The following PHF3 variants were observed in gnomAD, a reference collection of about 807,000 sequenced individuals.
The protein encoded by PHF3 is PHD finger protein 3.
A neutral mutation model predicts 178.4 loss-of-function variants in PHF3; 41 were observed. The observed-to-expected ratio is 0.23, with a 90% CI of 0.18 to 0.30. PHF3 has a LOEUF of 0.30. Among genes scored for constraint, PHF3 ranks in the 10% least tolerant of loss-of-function variants. The pLI, the probability that PHF3 is intolerant of heterozygous loss-of-function variation, is 1.00. For missense variants in PHF3, 2,346 were observed against 2,398.1 expected, an observed-to-expected ratio of 0.98 and a Z score of 0.45; for synonymous variants, 842 against 800.5, an observed-to-expected ratio of 1.05 and a Z score of -0.88.
rs573539701 is a variant in PHF3, at chr6:63,709,340, A to G, written c.3801+100A>G. ...GGGTGCAAAGTCTCCTGGGGAAAGGAGGCAATACACATTTTAAGTCTATGT... is the reference window on the plus strand; with the variant it reads ...GGGTGCAAAGTCTCCTGGGGAAAGGGGGCAATACACATTTTAAGTCTATGT... On this transcript the variant is annotated intron_variant, in intron 14 of 15. Coordinates refer to ENST00000262043, the MANE Select transcript of PHF3 (RefSeq NM_001370348.2). The G allele has an allele frequency of 1.1e-4, 88 of 789,106 alleles. 1 individual carries two copies. The South Asian group carries it at 1.3e-3, about 12-fold the overall frequency. The allele number at this position is 789,106 out of a possible 1,614,324, so 48.9% of individuals were successfully genotyped here. A position where few individuals can be genotyped will look rare whatever the true frequency, so the allele number is the denominator to read the frequency against.
chr6:63,666,951 C>T lies in PHF3; in HGVS notation c.245-13049C>T, dbSNP rs538211271. On this transcript the variant is annotated intron_variant, in intron 2 of 15. Transcript: ENST00000262043. The stretch of plus-strand genomic sequence containing the variant: ...ATTTTTAGTAGAGACAGCATTTCAC[C>T]GTGTTTGCCAGGCTGGTCTTGAACT... Among the ~76,000 whole-genome samples the T allele has an allele frequency of 9.2e-5, 14 of 152,154 alleles. No individual in the cohort carries two copies. In the South Asian group the frequency reaches 2.1e-3, roughly 23 times the overall value.
In PHF3 at chr6:63,725,261, A is replaced by G. The variant is rs1045285197; in HGVS notation, c.*11553A>G. On this transcript the variant is annotated 3_prime_UTR_variant, in exon 16 of 16. Transcript: ENST00000262043. ...ACTACATGCATTGAATAACAGATGT[A>G]AGAAGATGTGCTCTTGCCCTCCTAT... Among the ~76,000 whole-genome samples, 16 of 150,986 alleles carry G rather than the reference A, an allele frequency of 1.1e-4. 1 individual carries two copies. The highest frequency in any genetic ancestry group is 2.9e-4 in the African/African-American group (12 of 41,390).
chr6:63,660,560 T>C (rs1051095876), intron 2 of PHF3, among the ~76,000 whole-genome samples: 1 of 152,156 alleles, frequency 6.6e-6, no homozygotes, highest in Non-Finnish European at 1.5e-5. Context: ...TTAATGGAGC[T>C]TAAAGTTTAG....
rs1295880392 is a variant in PHF3, at chr6:63,715,365, C to CA, written c.*1661dup. ...AAACAAAGTTAGTTCCCAAACAAAA[C>CA]AAAATCTAAGTTATAATTTGCACCA... On this transcript the variant is annotated 3_prime_UTR_variant, in exon 16 of 16. Coordinates refer to ENST00000262043, the MANE Select transcript of PHF3 (RefSeq NM_001370348.2). 1 of 152,066 alleles carries CA rather than the reference C, an allele frequency of 6.6e-6. No homozygotes were observed. The highest frequency in any genetic ancestry group is 2.4e-5 in the African/African-American group (1 of 41,428). 9.4% of individuals were successfully genotyped at this position (152,066 alleles called of 1,614,324 possible). A position where few individuals can be genotyped will look rare whatever the true frequency, so the allele number is the denominator to read the frequency against.
chr6:63,685,500 C>T lies in PHF3; in HGVS notation c.1778C>T (p.Thr593Ile). The T allele has an allele frequency of 6.2e-7, 1 of 1,614,090 alleles. No individual in the cohort carries two copies. ...TTAGTACAAATTTTCAAGCCCTTAA[C>T]TCATTCTTTGAGTGATAAGTCACAC... The part of the protein sequence containing the change: ...QTLVQIFKPL[T>I]HSLSDKSHAH... Residue 593 changes from threonine to isoleucine, a missense_variant, in exon 4 of 16, where the codon ACT becomes ATT. By Grantham distance (89) the Thr-to-Ile change is moderately conservative. Around this residue, in one of 8 missense-constraint regions of PHF3, gnomAD observed 843 missense variants for 795.2 expected, o/e 1.06. Coordinates refer to ENST00000262043, the MANE Select transcript of PHF3 (RefSeq NM_001370348.2).
Position 63,719,721 on chromosome 6 carries a change from A to G in PHF3, c.*6013A>G, listed in dbSNP as rs528584302. On this transcript the variant is annotated 3_prime_UTR_variant, in exon 16 of 16. Transcript: ENST00000262043. ...TTTTATGCCCAATTTTGAGATCTGT[A>G]TAGACTTGAAAGCAGTTAAACACAA... is the stretch of plus-strand genomic sequence containing the variant. Among the ~76,000 whole-genome samples the G allele has an allele frequency of 7.2e-5, 11 of 152,114 alleles. No individual in the cohort carries two copies. The highest frequency in any genetic ancestry group is 1.2e-4 in the Non-Finnish European group (8 of 67,966).
At chr6:63,640,514 A>G (rs1764526801) in intron 1 of PHF3, among the ~76,000 whole-genome samples, 1 of 152,230 alleles carries the variant, frequency 6.6e-6, no homozygotes, top group Non-Finnish European at 1.5e-5. Flanking sequence ...GTTTAGCACA[A>G]TGCCTTGCAC....
intron 5 of PHF3, among the ~76,000 whole-genome samples, chr6:63,693,798 T>C (rs781248335): frequency 1.2e-4 from 19 of 152,216 alleles, no homozygotes; most frequent in Non-Finnish European, 2.9e-5. Context: ...TTGTCTGATG[T>C]TAGTTTATGG....
At position 63,691,923 on chromosome 6, in the gene PHF3, A is replaced by G; in HGVS notation, c.2376A>G (p.Glu792=). The change falls in exon 5 of 16, where the codon GAA becomes GAG. Residue 792 remains glutamate (E), a synonymous_variant. Transcript: ENST00000262043. Reference sequence around the variant, plus strand: ...CTTTGGAAAACCAAGCTACAGTTGAATTCCATAGTGGAGATAAAACAATGG... The same window carrying G: ...CTTTGGAAAACCAAGCTACAGTTGAGTTCCATAGTGGAGATAAAACAATGG... ...PDTLENQATV[E]FHSGDKTMEC... is the part of the protein sequence containing the mutation. The G allele has an allele frequency of 6.2e-7, 1 of 1,613,906 alleles. No individual in the cohort carries two copies. Among genetic ancestry groups the G allele is most frequent in the Non-Finnish European group, 8.5e-7 (1 of 1,179,878 alleles).
At position 63,722,060 on chromosome 6, in the gene PHF3, T is replaced by TA. The variant is rs574937118; in HGVS notation, c.*8355dup. On this transcript the variant is annotated 3_prime_UTR_variant, in exon 16 of 16. Coordinates refer to ENST00000262043, the MANE Select transcript of PHF3 (RefSeq NM_001370348.2). ...GAATGAATATATTGTGGTAGTAAGT[T>TA]AAAGTGAGGTTTTTCTTCAAATGAA... Among the ~76,000 whole-genome samples the TA allele has an allele frequency of 5.7e-4, 87 of 152,274 alleles. No individual in the cohort carries two copies. Among genetic ancestry groups the TA allele is most frequent in the African/African-American group, 1.9e-3 (80 of 41,566 alleles).
At chr6:63,682,869 A>G (rs1490259582) in intron 3 of PHF3, among the ~76,000 whole-genome samples, 7 of 152,020 alleles carry the variant, frequency 4.6e-5, no homozygotes, top group Admixed American at 3.9e-4. Context: ...TTATTTATTA[A>G]TGTGTAATAA....
At chr6:63,644,267 G>C (rs1488293092) in intron 1 of PHF3, among the ~76,000 whole-genome samples, 5 of 152,114 alleles carry the variant, frequency 3.3e-5, no homozygotes, top group Non-Finnish European at 7.4e-5. Flanking sequence ...GGTGGCTTTG[G>C]TTTGCTGTAT....
At chr6:63,674,377 A>G (rs1372587362) in intron 2 of PHF3, among the ~76,000 whole-genome samples, 2 of 96,458 alleles carry the variant, frequency 2.1e-5, no homozygotes, top group Non-Finnish European at 4.1e-5. Context: ...AATGTATCGT[A>G]AAGAAGGAAT....
rs1582140999 is a variant in PHF3, at chr6:63,721,924, T to C, written c.*8216T>C. On this transcript the variant is annotated 3_prime_UTR_variant, in exon 16 of 16. Coordinates refer to ENST00000262043, the MANE Select transcript of PHF3 (RefSeq NM_001370348.2). The stretch of plus-strand genomic sequence containing the variant: ...AAAAAGTAACAGATCTTGAGCACAA[T>C]TGTGTTAGTTTTGTTTCCACTCACA... The C allele has an allele frequency of 3.6e-6, 3 of 834,192 alleles. No homozygotes were observed. The African/African-American group carries it at 5.2e-5, about 14-fold the overall frequency. The allele number at this position is 834,192 out of a possible 1,614,324, so 51.7% of individuals were successfully genotyped here.
chr6:63,670,334 T>C (rs1441425180), intron 2 of PHF3, among the ~76,000 whole-genome samples: 1 of 152,198 alleles, frequency 6.6e-6, no homozygotes, highest in Non-Finnish European at 1.5e-5. Context: ...AGTGGCGCTA[T>C]CTCGGCTCAC....
rs1217813110 is a variant in PHF3 at position 63,715,040 on chromosome 6, A to G, written c.*1332A>G. Reference sequence around the variant, plus strand: ...AGAAAGAGAACTCTATTATTTACTTACCTGTATTAATGAAGAAAAATATAA... The same window carrying G: ...AGAAAGAGAACTCTATTATTTACTTGCCTGTATTAATGAAGAAAAATATAA... On this transcript the variant is annotated 3_prime_UTR_variant, in exon 16 of 16. Coordinates refer to ENST00000262043, the MANE Select transcript of PHF3 (RefSeq NM_001370348.2). 1 of 152,144 alleles carries G rather than the reference A, an allele frequency of 6.6e-6. No homozygotes were observed. The highest frequency in any genetic ancestry group is 2.4e-5 in the African/African-American group (1 of 41,456). 9.4% of individuals were successfully genotyped at this position (152,144 alleles called of 1,614,324 possible).
At chr6:63,703,721 G>A (rs201385327) in intron 11 of PHF3, 50 bp downstream of exon 11, 3 of 1,508,682 alleles carry the variant, frequency 2.0e-6, no homozygotes, top group Admixed American at 2.1e-5. Flanking sequence ...ATGAAAGAAG[G>A]ATACTTAGAT....
At chr6:63,649,742 C>T (rs1293977073) in intron 2 of PHF3, among the ~76,000 whole-genome samples, 2 of 152,188 alleles carry the variant, frequency 1.3e-5, no homozygotes, top group African/African-American at 4.8e-5. Flanking sequence ...ATGCTTTTGA[C>T]TGTGTCAAGT....
rs1162115630 is a variant in PHF3 at position 63,712,808 on chromosome 6, G to A, written c.5220G>A (p.Gln1740=). 6.2e-7 allele frequency: 1 copy of A among 1,614,008 alleles called. No homozygotes were observed. Among genetic ancestry groups the A allele is most frequent in the East Asian group, 2.2e-5 (1 of 44,852 alleles). ...AAGCAGAACAAGCAAAACCCTTACA[G>A]GAGGATATTTTAATGCAAAATATTG... ...TSQAEQAKPL[Q]EDILMQNIET... The change falls in exon 16 of 16, where the codon CAG becomes CAA. Residue 1740 remains glutamine, a synonymous_variant. Coordinates refer to ENST00000262043, the MANE Select transcript of PHF3 (RefSeq NM_001370348.2).
Sources: allele counts gnomAD v4.1 joint callset (sites outside exome capture counted in the v4.1 genomes callset), GRCh38; gene constraint gnomAD v4.1.1; regional missense constraint gnomAD v4.1.1; transcripts MANE v1.5; gene names NCBI Gene and HGNC (gene_info 2026-07-23, HGNC 2026-07-21).